GLIS3: variants seen among roughly 807,000 people sequenced by gnomAD.
The protein encoded by GLIS3 is zinc finger protein GLIS3.
In GLIS3, 53 loss-of-function variants were observed where a neutral mutation model predicts 78.6. The ratio of observed to expected loss-of-function variants is 0.67; its 90% CI spans 0.54 to 0.85. The LOEUF (loss-of-function observed/expected upper bound fraction) is 0.85. Ranked by LOEUF, GLIS3 falls within the 40% of genes least tolerant of loss-of-function variation. The pLI, the probability that GLIS3 is intolerant of heterozygous loss-of-function variation, is 0.00. For missense variants in GLIS3, 1,703 were observed against 1,231.1 expected, an observed-to-expected ratio of 1.38 and a Z score of -5.74; for synonymous variants, 684 against 509.9, an observed-to-expected ratio of 1.34 and a Z score of -4.60.
chr9:3,930,252 C>T (rs1410710519), intron 6 of GLIS3, among the ~76,000 whole-genome samples: 1 of 152,154 alleles, frequency 6.6e-6, no homozygotes, highest in Non-Finnish European at 1.5e-5. Flanking sequence ...TCAATGAAAT[C>T]CAATTCAACC....
At chr9:4,331,956 G>C (rs539581638) in intron 2 of GLIS3, among the ~76,000 whole-genome samples, 9 of 152,208 alleles carry the variant, frequency 5.9e-5, no homozygotes, top group Non-Finnish European at 1.2e-4. Context: ...ATACCAGGGA[G>C]ACTAAAGCAT....
At chr9:4,373,331 CCTGGGGGAAAT>C in the GLIS3 span, among the ~76,000 whole-genome samples, 1 of 152,124 alleles carries the variant, frequency 6.6e-6, no homozygotes, top group African/African-American at 2.4e-5. Flanking sequence ...TTCAGAATCA[CCTGGGGGAAAT>C]TGGGAAATCT....
At chr9:4,251,865 G>A (rs1300088245) in intron 2 of GLIS3, among the ~76,000 whole-genome samples, 1 of 152,110 alleles carries the variant, frequency 6.6e-6, no homozygotes, top group Non-Finnish European at 1.5e-5. Context: ...CACTTAAGAG[G>A]CTTAGTTTGG....
At chr9:4,356,208 C>A in the GLIS3 span, among the ~76,000 whole-genome samples, 1 of 152,292 alleles carries the variant, frequency 6.6e-6, no homozygotes, top group South Asian at 2.1e-4. Flanking sequence ...CTCTTTCTTT[C>A]ATTTCAGTCG....
intron 4 of GLIS3, among the ~76,000 whole-genome samples, chr9:3,981,859 C>T (rs1563916968): frequency 6.6e-6 from 1 of 152,134 alleles, no homozygotes. Flanking sequence ...TGGCAAATTG[C>T]TTTCATGGGA....
the GLIS3 span, among the ~76,000 whole-genome samples, chr9:4,416,252 T>TTTAAAAA: frequency 9.4e-4 from 71 of 75,830 alleles, 13 homozygotes; most frequent in African/African-American, 2.7e-3. Context: ...ACACTGTTTT[T>TTTAAAAA]AAAAAAAAAA....
At chr9:4,074,152 T>C (rs1426098562) in intron 4 of GLIS3, among the ~76,000 whole-genome samples, 1 of 152,186 alleles carries the variant, frequency 6.6e-6, no homozygotes, top group Non-Finnish European at 1.5e-5. Flanking sequence ...TAATTTATTG[T>C]TGAGCTAGCT....
At chr9:4,447,812 C>A in the GLIS3 span, among the ~76,000 whole-genome samples, 30 of 152,356 alleles carry the variant, frequency 2.0e-4, no homozygotes, top group Non-Finnish European at 3.5e-4. Context: ...TGAGCCCAGT[C>A]CTCTGTTCAA....
intron 4 of GLIS3, among the ~76,000 whole-genome samples, chr9:3,951,880 A>ACACACACACACG (rs1554654422): frequency 2.0e-5 from 3 of 150,218 alleles, no homozygotes; most frequent in Non-Finnish European, 3.0e-5. Context: ...ACACACACAC[A>ACACACACACACG]CACACGCACG....
intron 7 of GLIS3, among the ~76,000 whole-genome samples, chr9:3,895,021 T>C (rs1169402470): frequency 1.3e-5 from 2 of 152,214 alleles, no homozygotes; most frequent in Non-Finnish European, 2.9e-5. Flanking sequence ...GGAGCCATAA[T>C]TTTTGTGGTC....
At position 4,235,996 on chromosome 9, in the gene GLIS3, T is replaced by A. The variant is rs1185992394; in HGVS notation, c.388+50042A>T. 2.6e-5 allele frequency among the ~76,000 whole-genome samples: 4 copies of A among 151,536 alleles called. No homozygotes were observed. In the East Asian group the frequency reaches 7.7e-4, roughly 29 times the overall value. On this transcript the variant is annotated intron_variant, in intron 2 of 10. Transcript: ENST00000381971. Reference sequence around the variant, plus strand: ...AGATTCTGAGTATGGCTCAAGCTGCTTACTGATTAACGCTTTTGCACACAA... The same window carrying A: ...AGATTCTGAGTATGGCTCAAGCTGCATACTGATTAACGCTTTTGCACACAA...
At chr9:4,161,580 ATTAGTTTTC>A (rs1391544459) in intron 2 of GLIS3, among the ~76,000 whole-genome samples, 6 of 151,034 alleles carry the variant, frequency 4.0e-5, no homozygotes, top group Admixed American at 4.0e-4. Context: ...CACTTGCTGT[ATTAGTTTTC>A]TAGGGCTGCC....
chr9:4,438,614 C>T, the GLIS3 span, among the ~76,000 whole-genome samples: 1 of 152,160 alleles, frequency 6.6e-6, no homozygotes, highest in African/African-American at 2.4e-5. Context: ...CAAATCTCAC[C>T]TTGAATTGTA....
intron 1 of GLIS3, among the ~76,000 whole-genome samples, chr9:4,287,759 G>C (rs1301969651): frequency 6.6e-6 from 1 of 152,150 alleles, no homozygotes; most frequent in Non-Finnish European, 1.5e-5. Context: ...AGGCTATCAA[G>C]GAGAAACACT....
At chr9:4,254,839 CAAAAAAA>C (rs751442404) in intron 2 of GLIS3, among the ~76,000 whole-genome samples, 1 of 70,036 alleles carries the variant, frequency 1.4e-5, no homozygotes, top group South Asian at 4.6e-4. Flanking sequence ...GACTACGTCT[CAAAAAAA>C]AAAAAAAAAG....
intron 9 of GLIS3, among the ~76,000 whole-genome samples, chr9:3,842,446 TG>T (rs1344091475): frequency 6.6e-6 from 1 of 152,160 alleles, no homozygotes; most frequent in Admixed American, 6.5e-5. Context: ...CAGTCTAGCC[TG>T]GGGGTCAAAG....
intron 2 of GLIS3, among the ~76,000 whole-genome samples, chr9:4,201,471 C>T (rs567081761): frequency 1.1e-3 from 175 of 152,270 alleles, no homozygotes; most frequent in African/African-American, 4.0e-3. Flanking sequence ...AACTGATAAA[C>T]GACTTCAGTG....
chr9:3,880,719 T>C (rs1414614161), intron 7 of GLIS3, among the ~76,000 whole-genome samples: 1 of 152,266 alleles, frequency 6.6e-6, no homozygotes, highest in African/African-American at 2.4e-5. Flanking sequence ...CTCTCCAGGA[T>C]AGAATAAGTA....
At chr9:4,334,505 G>C (rs553861012) in intron 2 of GLIS3, among the ~76,000 whole-genome samples, 20 of 152,310 alleles carry the variant, frequency 1.3e-4, no homozygotes, top group African/African-American at 4.6e-4. Context: ...TCCAAGCTAG[G>C]GCAGACTTTT....
Sources: allele counts gnomAD v4.1 joint callset (sites outside exome capture counted in the v4.1 genomes callset), GRCh38; gene constraint gnomAD v4.1.1; transcripts MANE v1.5; gene names NCBI Gene and HGNC (gene_info 2026-07-23, HGNC 2026-07-21).